MTOR: variants seen among roughly 807,000 people sequenced by gnomAD.
MTOR encodes the protein serine/threonine-protein kinase mTOR.
A neutral mutation model predicts 319.8 loss-of-function variants in MTOR; 70 were observed. That is an observed-to-expected ratio of 0.22 (90% CI 0.18 to 0.27). The LOEUF (loss-of-function observed/expected upper bound fraction) is 0.27, where lower values mean the gene tolerates loss of function less well. MTOR is among the 10% of genes least tolerant of loss of function. The pLI, the probability that MTOR is intolerant of heterozygous loss-of-function variation, is 1.00. For synonymous variants in MTOR, 1,183 were observed against 1,211.4 expected (o/e 0.98, Z 0.49); for missense variants, 1,890 against 3,274.4 (o/e 0.58, Z 10.32).
chr1:11,257,156 A>G lies in MTOR; in HGVS notation c.281T>C (p.Ile94Thr), dbSNP rs1340363261. The G allele has an allele frequency of 6.2e-7, 1 of 1,612,612 alleles. No individual in the cohort carries two copies. The part of the protein sequence containing the change: ...KGGILAIASL[I>T]GVEGGNATRI... The stretch of plus-strand genomic sequence containing the variant: ...GGTGGCATTCCCACCTTCCACTCCT[A>G]TGAGGCTAGCTGCAAAAGAGAGGAA... Residue 94 changes from isoleucine to threonine, a missense_variant, in exon 4 of 58, where the codon ATA (isoleucine) becomes ACA (threonine). By Grantham distance (89) the Ile-to-Thr change is moderately conservative (BLOSUM62 -1). Around this residue, in one of 15 missense-constraint regions of MTOR, gnomAD observed 81 missense variants for 203.6 expected, o/e 0.40. Coordinates refer to ENST00000361445, the MANE Select transcript of MTOR (RefSeq NM_004958.4).
intron 5 of MTOR, among the ~76,000 whole-genome samples, chr1:11,254,297 G>A (rs908473563): frequency 6.6e-6 from 1 of 151,988 alleles, no homozygotes; most frequent in Non-Finnish European, 1.5e-5. Flanking sequence ...ACACTACCAC[G>A]CCTGGCTAAT....
At chr1:11,200,001 A>G (rs1645906867) in intron 26 of MTOR, among the ~76,000 whole-genome samples, 1 of 152,266 alleles carries the variant, frequency 6.6e-6, no homozygotes, top group Non-Finnish European at 1.5e-5. Flanking sequence ...ACATTGTGAT[A>G]TTCAGGGACT....
At chr1:11,145,794 G>A (rs115024079) in intron 32 of MTOR, among the ~76,000 whole-genome samples, 7,421 of 152,156 alleles carry the variant, frequency 0.049, 295 homozygotes, top group Non-Finnish European at 0.069. Flanking sequence ...GTGAGCCACT[G>A]TGCCCAGCCT....
chr1:11,197,349 C>A (rs574846002), intron 28 of MTOR, among the ~76,000 whole-genome samples: 1 of 152,266 alleles, frequency 6.6e-6, no homozygotes, highest in East Asian at 1.9e-4. Context: ...ACCACCACAA[C>A]CGGGCTTAGG....
At position 11,128,231 on chromosome 1, in the gene MTOR, A is replaced by G; in HGVS notation, c.5911-105T>C. The G allele has an allele frequency of 6.7e-7, 1 of 1,492,696 alleles. No individual in the cohort carries two copies. Among genetic ancestry groups the G allele is most frequent in the South Asian group, 1.2e-5 (1 of 80,194 alleles). 92.5% of individuals were successfully genotyped at this position (1,492,696 alleles called of 1,614,324 possible). On this transcript the variant is annotated intron_variant, in intron 42 of 57. Transcript: ENST00000361445. This position sits in a 1 kb window ranked among gnomAD's most constrained non-coding sequence, Gnocchi z 5.3. ...AAAACAAGTGGTGAGTGTGACATTA[A>G]CATCTGCTTGAGACTACCAGGAAGG...
chr1:11,136,082 C>T (rs964853799), intron 36 of MTOR, among the ~76,000 whole-genome samples: 16 of 151,882 alleles, frequency 1.1e-4, no homozygotes, highest in Non-Finnish European at 1.2e-4. Flanking sequence ...TGCAGTGAGC[C>T]GAGATCACAC....
chr1:11,178,229 C>T (rs1457781337), intron 28 of MTOR, among the ~76,000 whole-genome samples: 1 of 152,222 alleles, frequency 6.6e-6, no homozygotes, highest in East Asian at 1.9e-4. Flanking sequence ...GAGAGGAATA[C>T]TGCCCAGCGA....
rs535011759 is a variant in MTOR, at chr1:11,133,646, CTT to C, written c.5247-451_5247-450del. Among the ~76,000 whole-genome samples the C allele has an allele frequency of 1.8e-4, 27 of 152,336 alleles. No homozygotes were observed. In the South Asian group the frequency reaches 5.6e-3, roughly 32 times the overall value. On this transcript the variant is annotated intron_variant, in intron 37 of 57. Coordinates refer to ENST00000361445, the MANE Select transcript of MTOR (RefSeq NM_004958.4). The surrounding 1 kb of genome is among the most constrained non-coding windows in gnomAD (Gnocchi z 4.0). ...TGCTTGAAATGCTTGGCATTGTACT[CTT>C]TGCATTAATCCTCACACTACTTTAT...
At chr1:11,157,365 C>G in intron 29 of MTOR, 74 bp from the exon 30 acceptor site, 1 of 1,531,868 alleles carries the variant, frequency 6.5e-7, no homozygotes, top group Non-Finnish European at 8.8e-7. Context: ...CACATACTCT[C>G]TTTCCTAATG....
chr1:11,224,468 T>A (rs1339591307), intron 19 of MTOR, among the ~76,000 whole-genome samples: 2 of 152,086 alleles, frequency 1.3e-5, no homozygotes, highest in East Asian at 3.8e-4. Flanking sequence ...AGCCCACCAA[T>A]GTAAAGGGAG....
At chr1:11,192,341 G>C (rs1198897820) in intron 28 of MTOR, 1 of 1,613,962 alleles carries the variant, frequency 6.2e-7, no homozygotes, top group Admixed American at 1.7e-5. Context: ...GCTTCCTCCT[G>C]ATGACTTCCT....
At chr1:11,110,200 G>A (rs916981962) in intron 54 of MTOR, among the ~76,000 whole-genome samples, 50 of 152,092 alleles carry the variant, frequency 3.3e-4, no homozygotes, top group African/African-American at 1.1e-3. Context: ...AATTAACTTC[G>A]GAATGTGTCA....
chr1:11,250,206 G>A (rs1206530472), intron 6 of MTOR, among the ~76,000 whole-genome samples: 8 of 108,892 alleles, frequency 7.3e-5, no homozygotes, highest in African/African-American at 1.1e-4. Flanking sequence ...CGGACGGGGC[G>A]GCTGGCCGGG....
At chr1:11,172,557 C>CAAAAAAAAAAAAAAA (rs767483973) in intron 28 of MTOR, among the ~76,000 whole-genome samples, 1 of 56,304 alleles carries the variant, frequency 1.8e-5, no homozygotes. Context: ...GACTCTGTCT[C>CAAAAAAAAAAAAAAA]AAAAAAAAAA....
At chr1:11,144,795 G>A (rs1209765864) in intron 33 of MTOR, 40 bp from the exon 34 acceptor site, 10 of 1,582,160 alleles carry the variant, frequency 6.3e-6, no homozygotes, top group Admixed American at 1.7e-5. Flanking sequence ...ATTACTGCAC[G>A]AACAATCCAA....
intron 38 of MTOR, 64 bp from the exon 39 acceptor site, chr1:11,130,841 C>A (rs751050420): frequency 1.3e-6 from 2 of 1,518,302 alleles, no homozygotes; most frequent in Non-Finnish European, 1.8e-6. Flanking sequence ...CTCAGAGGAG[C>A]GCAAGGTCGA....
chr1:11,228,984 G>T, intron 18 of MTOR, 66 bp from the exon 19 acceptor site: 2 of 1,577,974 alleles, frequency 1.3e-6, no homozygotes, highest in Non-Finnish European at 1.7e-6. Context: ...GCAGAGCATG[G>T]TTAGTAACAA....
chr1:11,238,040 T>C lies in MTOR; in HGVS notation c.2011A>G (p.Ile671Val), dbSNP rs1171656369. The C allele has an allele frequency of 1.9e-6, 3 of 1,614,192 alleles. No homozygotes were observed. Among genetic ancestry groups the C allele is most frequent in the Non-Finnish European group, 2.5e-6 (3 of 1,180,030 alleles). Reference protein sequence around the residue: ...VVGITDPDPDIRYCVLASLDE... With the variant: ...VVGITDPDPDVRYCVLASLDE... ...AGGGACGCCAAGACACAGTAGCGAA[T>C]GTCAGGGTCTGCAAGAGCAATGGAG... The change falls in exon 13 of 58, where the codon ATT becomes GTT. Residue 671 changes from isoleucine to valine, a missense_variant. Ile to Val is a conservative substitution (Grantham distance 29, BLOSUM62 3). Transcript: ENST00000361445.
intron 19 of MTOR, among the ~76,000 whole-genome samples, chr1:11,222,199 AAT>A: frequency 6.6e-6 from 1 of 151,728 alleles, no homozygotes; most frequent in African/African-American, 2.4e-5. Context: ...ATTTAAAAAA[AAT>A]TTTTTTTTTT....
Sources: gnomAD v4.1 joint callset for allele counts (sites outside exome capture counted in the v4.1 genomes callset) on GRCh38, gnomAD v4.1.1 for gene constraint, gnomAD v4.1.1 regional missense constraint, Gnocchi (gnomAD v3.1) non-coding constraint, MANE v1.5 for transcripts, NCBI Gene and HGNC (gene_info 2026-07-23, HGNC 2026-07-21) for gene names.